Variants in RYR2 observed in about 807,000 individuals in gnomAD.
RYR2 encodes ryanodine receptor 2.
RYR2 carries 227 observed loss-of-function variants against 601.1 expected under a neutral mutation model. The ratio of observed to expected loss-of-function variants is 0.38; its 90% confidence interval spans 0.34 to 0.42. RYR2 has a LOEUF of 0.42. Among genes scored for constraint, RYR2 ranks in the 10% least tolerant of loss-of-function variants. The pLI is 1.00. For synonymous variants in RYR2, 2,223 were observed against 2,175.1 expected (o/e 1.02, Z -0.61); for missense variants, 4,646 against 6,156.5 (o/e 0.75, Z 8.21).
In RYR2 at chr1:237,791,463, T is replaced by C; in HGVS notation, c.13511T>C (p.Met4504Thr). 6.3e-7 allele frequency: 1 copy of C among 1,579,930 alleles called. No homozygotes were observed. The highest frequency in any genetic ancestry group is 8.6e-7 in the Non-Finnish European group (1 of 1,159,494). ...GCTCGCAACTTTTACAACATGAGAATGTTAGCCTTATTTGTCGCATTTGCT... is the reference window on the plus strand; with the variant it reads ...GCTCGCAACTTTTACAACATGAGAACGTTAGCCTTATTTGTCGCATTTGCT... The part of the protein sequence containing the change: ...YFARNFYNMR[M>T]LALFVAFAIN... The change falls in exon 93 of 105, where the codon ATG (methionine) becomes ACG (threonine). Residue 4504 changes from methionine to threonine, a missense_variant. By Grantham distance (81) the Met-to-Thr change is moderately conservative (BLOSUM62 -1). Around this residue, in one of 17 missense-constraint regions of RYR2, gnomAD observed 364 missense variants for 442.9 expected, o/e 0.82. Transcript: ENST00000366574.
At chr1:237,139,880 C>G (rs1414335681) in intron 1 of RYR2, among the ~76,000 whole-genome samples, 5 of 152,198 alleles carry the variant, frequency 3.3e-5, no homozygotes, top group Non-Finnish European at 7.3e-5. Flanking sequence ...CATTGTCTGG[C>G]AGGCAGTGCT....
intron 13 of RYR2, among the ~76,000 whole-genome samples, chr1:237,443,026 A>G (rs1708047211): frequency 6.6e-6 from 1 of 152,140 alleles, no homozygotes; most frequent in Non-Finnish European, 1.5e-5. Flanking sequence ...TTTTCGTGCC[A>G]TTTTAGTCTG....
intron 33 of RYR2, among the ~76,000 whole-genome samples, chr1:237,594,529 T>G (rs1217853271): frequency 6.6e-6 from 1 of 152,096 alleles, no homozygotes; most frequent in East Asian, 1.9e-4. Flanking sequence ...CCATGCTTAA[T>G]TTTCAGGGAT....
At chr1:237,190,414 T>C (rs763810191) in intron 1 of RYR2, among the ~76,000 whole-genome samples, 16 of 152,198 alleles carry the variant, frequency 1.1e-4, no homozygotes, top group Non-Finnish European at 2.4e-4. Flanking sequence ...CTTTGGAGTA[T>C]TGTCTATCAA....
chr1:237,571,273 A>G (rs937901849), intron 29 of RYR2, among the ~76,000 whole-genome samples: 3 of 151,318 alleles, frequency 2.0e-5, no homozygotes, highest in African/African-American at 7.3e-5. Context: ...GGATTTTAAG[A>G]TACATACCTA....
rs73101967 is a variant in RYR2, at chr1:237,726,113, G to T, written c.10690-160G>T. Among the ~76,000 whole-genome samples the T allele has an allele frequency of 3.0e-3, 454 of 152,144 alleles. 4 individuals are homozygous for T. The highest frequency in any genetic ancestry group is 9.7e-3 in the African/African-American group (402 of 41,550). On this transcript the variant is annotated intron_variant, in intron 74 of 104. Transcript: ENST00000366574. ...GCATCACAGAAATAAGTGCTTTTCCGTTAAACAAGTTGCCTCGTGAAAATT... is the reference window on the plus strand; with the variant it reads ...GCATCACAGAAATAAGTGCTTTTCCTTTAAACAAGTTGCCTCGTGAAAATT...
In RYR2 at chr1:237,356,973, A is replaced by T. The variant is rs12066129; in HGVS notation, c.294+988A>T. On this transcript the variant is annotated intron_variant, in intron 4 of 104. Coordinates refer to ENST00000366574, the MANE Select transcript of RYR2 (RefSeq NM_001035.3). ...CTGGTTTTAGGATCCAACTTTCTTG[A>T]TGCAATATTTTGAGAATTTTGCCAT... Among the ~76,000 whole-genome samples the T allele has an allele frequency of 8.7e-3, 1,328 of 152,138 alleles. 17 individuals carry two copies. Among genetic ancestry groups the T allele is most frequent in the African/African-American group, 0.03 (1,245 of 41,530 alleles).
At chr1:237,328,173 C>T (rs1696342830) in intron 2 of RYR2, among the ~76,000 whole-genome samples, 1 of 152,050 alleles carries the variant, frequency 6.6e-6, no homozygotes, top group East Asian at 1.9e-4. Context: ...GTCAGTTCAC[C>T]AGCACACCAT....
intron 1 of RYR2, among the ~76,000 whole-genome samples, chr1:237,133,140 G>A (rs933757522): frequency 6.6e-6 from 1 of 152,120 alleles, no homozygotes. Flanking sequence ...GGGTTCAGGG[G>A]CCAGACAAGT....
chr1:237,558,808 A>G (rs1037900214), intron 27 of RYR2, among the ~76,000 whole-genome samples: 6 of 151,820 alleles, frequency 4.0e-5, no homozygotes, highest in Non-Finnish European at 7.4e-5. Context: ...TTTCTTCTTC[A>G]GTTTTTCATA....
At chr1:237,512,676 C>T (rs1666027850) in intron 24 of RYR2, among the ~76,000 whole-genome samples, 1 of 152,138 alleles carries the variant, frequency 6.6e-6, no homozygotes, top group Admixed American at 6.5e-5. Flanking sequence ...AGTTTGAGAC[C>T]ATCCTGGGCT....
At chr1:237,167,827 A>T (rs1421382735) in intron 1 of RYR2, among the ~76,000 whole-genome samples, 1 of 151,026 alleles carries the variant, frequency 6.6e-6, no homozygotes, top group African/African-American at 2.4e-5. Flanking sequence ...CCCAGGCTCA[A>T]GTGATCCTCT....
chr1:237,636,563 C>G (rs1220458888), intron 44 of RYR2, among the ~76,000 whole-genome samples: 1 of 152,206 alleles, frequency 6.6e-6, no homozygotes, highest in African/African-American at 2.4e-5. Context: ...GAACTCTCTT[C>G]TACTTCTGTT....
chr1:237,522,790 T>C (rs1166237447), intron 24 of RYR2, among the ~76,000 whole-genome samples: 2 of 152,316 alleles, frequency 1.3e-5, no homozygotes, highest in East Asian at 1.9e-4. Flanking sequence ...TGCAGCTATA[T>C]AGTTTAAGTA....
At chr1:237,608,796 G>GTTTTT (rs33945891) in intron 35 of RYR2, among the ~76,000 whole-genome samples, 1 of 119,218 alleles carries the variant, frequency 8.4e-6, no homozygotes, top group Non-Finnish European at 1.7e-5. Flanking sequence ...AGACTGACCT[G>GTTTTT]TTTTTTTTTT....
intron 42 of RYR2, among the ~76,000 whole-genome samples, chr1:237,632,190 CTA>C (rs1229453645): frequency 6.6e-6 from 1 of 151,862 alleles, no homozygotes; most frequent in East Asian, 1.9e-4. Context: ...AAAAATTACT[CTA>C]TGTGTTAATT....
chr1:237,745,478 T>C (rs1691994137), intron 80 of RYR2, among the ~76,000 whole-genome samples: 1 of 152,182 alleles, frequency 6.6e-6, no homozygotes, highest in South Asian at 2.1e-4. Context: ...ATGATGGGGC[T>C]GGATGGCAGA....
At chr1:237,522,309 A>T (rs537983059) in intron 24 of RYR2, among the ~76,000 whole-genome samples, 4 of 152,362 alleles carry the variant, frequency 2.6e-5, no homozygotes, top group African/African-American at 9.6e-5. Context: ...AATTTTAAAA[A>T]TCACACAAAG....
rs377068202 is a variant in RYR2 at position 237,503,465 on chromosome 1, C to T, written c.2573C>T (p.Thr858Met). The T allele has an allele frequency of 6.9e-5, 112 of 1,613,780 alleles. No individual in the cohort carries two copies. Among genetic ancestry groups the T allele is most frequent in the East Asian group, 1.3e-4 (6 of 44,880 alleles). ...CTGCTGGGCCCCACAGTTTCCCTGACGCAAGCTGCCTTCACACCCATCCCT... is the reference window on the plus strand; with the variant it reads ...CTGCTGGGCCCCACAGTTTCCCTGATGCAAGCTGCCTTCACACCCATCCCT... ...RDLLGPTVSL[T>M]QAAFTPIPVD... Residue 858 changes from threonine (T) to methionine (M), a missense_variant, in exon 22 of 105, where the codon ACG (threonine) becomes ATG (methionine). By Grantham distance (81) the Thr-to-Met change is moderately conservative (BLOSUM62 -1). Around this residue, in one of 17 missense-constraint regions of RYR2, gnomAD observed 1,807 missense variants for 2,088.1 expected, o/e 0.87. Transcript: ENST00000366574.
Sources: gnomAD v4.1 joint callset for allele counts (sites outside exome capture counted in the v4.1 genomes callset) on GRCh38, gnomAD v4.1.1 for gene constraint, gnomAD v4.1.1 regional missense constraint, MANE v1.5 for transcripts, NCBI Gene and HGNC (gene_info 2026-07-23, HGNC 2026-07-21) for gene names.